CACNB2: variants seen among roughly 807,000 people sequenced by gnomAD.
The protein encoded by CACNB2 is voltage-dependent L-type calcium channel subunit beta-2.
CACNB2 carries 42 observed loss-of-function variants against 73.3 expected under a neutral mutation model. The observed-to-expected ratio is 0.57, with a 90% confidence interval of 0.45 to 0.74. CACNB2 has a LOEUF of 0.74. Ranked by LOEUF, CACNB2 falls within the 30% of genes least tolerant of loss-of-function variation. CACNB2 has a pLI of 0.00. For missense variants in CACNB2, 940 were observed against 853.0 expected, an observed-to-expected ratio of 1.10 and a Z score of -1.27; for synonymous variants, 348 against 310.3, an observed-to-expected ratio of 1.12 and a Z score of -1.28.
intron 3 of CACNB2, among the ~76,000 whole-genome samples, chr10:18,449,571 C>G (rs1414980605): frequency 6.6e-6 from 1 of 152,186 alleles, no homozygotes; most frequent in Non-Finnish European, 1.5e-5. Flanking sequence ...CTCCCTTTTT[C>G]TGTCCTCACA....
intron 2 of CACNB2, among the ~76,000 whole-genome samples, chr10:18,188,839 T>G (rs2034269165): frequency 6.6e-6 from 1 of 152,166 alleles, no homozygotes; most frequent in Non-Finnish European, 1.5e-5. Flanking sequence ...ATCACCACTG[T>G]TAAGACTGGG....
At position 18,539,215 on chromosome 10, in the gene CACNB2, T is replaced by A; in HGVS notation, c.1489-15T>A. The A allele has an allele frequency of 6.2e-7, 1 of 1,613,984 alleles. No individual in the cohort carries two copies. Among genetic ancestry groups the A allele is most frequent in the Non-Finnish European group, 8.5e-7 (1 of 1,179,992 alleles). On this transcript the variant is annotated splice_polypyrimidine_tract_variant and intron_variant, in intron 13 of 13. Coordinates refer to ENST00000324631, the MANE Select transcript of CACNB2 (RefSeq NM_201596.3). Reference sequence around the variant, plus strand: ...TGACCTTGGTTAACGCCTGGTGTGCTCCTTTCGCTGCCAGGGTTCTCAAGG... The same window carrying A: ...TGACCTTGGTTAACGCCTGGTGTGCACCTTTCGCTGCCAGGGTTCTCAAGG...
chr10:18,167,935 C>T (rs1416203418), intron 2 of CACNB2, among the ~76,000 whole-genome samples: 2 of 152,274 alleles, frequency 1.3e-5, no homozygotes, highest in African/African-American at 4.8e-5. Flanking sequence ...AGGTCACCCC[C>T]GACCCCAACC....
intron 9 of CACNB2, among the ~76,000 whole-genome samples, chr10:18,522,877 CAAAAAAAAAAAAAAAAAAAAA>C (rs10528720): frequency 3.9e-4 from 30 of 77,810 alleles, no homozygotes; most frequent in South Asian, 1.3e-3. Flanking sequence ...GACTCTGTCT[CAAAAAAAAAAAAAAAAAAAAA>C]AAAAAAAAAA....
At chr10:18,323,525 A>T (rs1450710150) in intron 2 of CACNB2, among the ~76,000 whole-genome samples, 1 of 152,126 alleles carries the variant, frequency 6.6e-6, no homozygotes, top group African/African-American at 2.4e-5. Flanking sequence ...TGGAACACTC[A>T]TCGAATCATA....
chr10:18,196,817 G>A (rs988323040), intron 2 of CACNB2, among the ~76,000 whole-genome samples: 5 of 152,070 alleles, frequency 3.3e-5, no homozygotes, highest in African/African-American at 9.7e-5. Context: ...AGTAATTTAG[G>A]GAGACTTTAG....
chr10:18,220,226 T>TAGAGAGAGAG (rs1275395034), intron 2 of CACNB2, among the ~76,000 whole-genome samples: 17 of 45,652 alleles, frequency 3.7e-4, no homozygotes, highest in South Asian at 7.1e-4. Context: ...TATATATATA[T>TAGAGAGAGAG]ATATATAGAG....
At chr10:18,413,381 C>CT (rs1339769800) in intron 3 of CACNB2, among the ~76,000 whole-genome samples, 1 of 152,194 alleles carries the variant, frequency 6.6e-6, no homozygotes, top group Non-Finnish European at 1.5e-5. Context: ...TTCTCTCATA[C>CT]TTCTCCAGGC....
intron 2 of CACNB2, among the ~76,000 whole-genome samples, chr10:18,263,018 C>A (rs1564387046): frequency 6.6e-6 from 1 of 152,114 alleles, no homozygotes; most frequent in Admixed American, 6.6e-5. Context: ...GCACAGATGT[C>A]TTTTAAAGAT....
chr10:18,273,195 G>A (rs1009096206), intron 2 of CACNB2, among the ~76,000 whole-genome samples: 1 of 152,036 alleles, frequency 6.6e-6, no homozygotes, highest in Non-Finnish European at 1.5e-5. Context: ...GTCAACTGGT[G>A]TCAAGTGTCT....
intron 2 of CACNB2, among the ~76,000 whole-genome samples, chr10:18,338,154 T>C (rs1283496099): frequency 6.6e-6 from 1 of 152,212 alleles, no homozygotes; most frequent in Non-Finnish European, 1.5e-5. Context: ...AAAAAATATT[T>C]TCAAATTACA....
chr10:18,381,579 TG>T lies in CACNB2; in HGVS notation c.214-20341del, dbSNP rs531386799. The stretch of plus-strand genomic sequence containing the variant: ...GGCGTGCACCTGTAGTCCCAGCTAC[TG>T]GGGTGGCTGAGGCAGGAGAATTGCT... On this transcript the variant is annotated intron_variant, in intron 2 of 13. Coordinates refer to ENST00000324631, the MANE Select transcript of CACNB2 (RefSeq NM_201596.3). 2.3e-3 allele frequency among the ~76,000 whole-genome samples: 345 copies of T among 149,002 alleles called. 1 individual carries two copies. The highest frequency in any genetic ancestry group is 8.3e-3 in the African/African-American group (332 of 40,210).
chr10:18,247,592 G>A (rs187545611), intron 2 of CACNB2, among the ~76,000 whole-genome samples: 3 of 152,180 alleles, frequency 2.0e-5, no homozygotes, highest in Admixed American at 6.5e-5. Flanking sequence ...AGGCACATCT[G>A]TAGGTACTTT....
At chr10:18,182,883 C>A (rs2033961650) in intron 2 of CACNB2, among the ~76,000 whole-genome samples, 1 of 151,730 alleles carries the variant, frequency 6.6e-6, no homozygotes, top group Non-Finnish European at 1.5e-5. Flanking sequence ...TTATTAATAT[C>A]TTGGGGTCTT....
intron 1 of CACNB2, among the ~76,000 whole-genome samples, chr10:18,144,108 C>A (rs1344446038): frequency 2.6e-5 from 4 of 152,144 alleles, no homozygotes; most frequent in Non-Finnish European, 5.9e-5. Flanking sequence ...AACGGAGTCT[C>A]ACCCTGTCAC....
chr10:18,186,211 GGAGTTCGA>G (rs1472832727), intron 2 of CACNB2, among the ~76,000 whole-genome samples: 5 of 152,100 alleles, frequency 3.3e-5, no homozygotes, highest in Non-Finnish European at 5.9e-5. Flanking sequence ...CCTGAGGTCA[GGAGTTCGA>G]GACCAGCCTG....
At chr10:18,269,492 G>A (rs1424751198) in intron 2 of CACNB2, among the ~76,000 whole-genome samples, 1 of 152,160 alleles carries the variant, frequency 6.6e-6, no homozygotes, top group African/African-American at 2.4e-5. Flanking sequence ...CTGGTGAATG[G>A]TAACATAACA....
At chr10:18,240,479 C>T (rs945445593) in intron 2 of CACNB2, among the ~76,000 whole-genome samples, 2 of 152,140 alleles carry the variant, frequency 1.3e-5, no homozygotes, top group African/African-American at 4.8e-5. Context: ...GAACGTGTAA[C>T]CAGGTCGCTC....
rs114367945 is a variant in CACNB2 at position 18,464,042 on chromosome 10, G to A, written c.334-34313G>A. On this transcript the variant is annotated intron_variant, in intron 3 of 13. Transcript: ENST00000324631. ...TGCTGTCAGAGAAGTCATAAACATCGTCTTATCTTACCCAAGCTGTCAGCG... is the reference window on the plus strand; with the variant it reads ...TGCTGTCAGAGAAGTCATAAACATCATCTTATCTTACCCAAGCTGTCAGCG... Among the ~76,000 whole-genome samples, 1,119 of 152,082 alleles carry A rather than the reference G, an allele frequency of 7.4e-3. 21 individuals are homozygous for A. The highest frequency in any genetic ancestry group is 0.025 in the African/African-American group (1,042 of 41,474).
Sources: gnomAD v4.1 joint callset for allele counts (sites outside exome capture counted in the v4.1 genomes callset) on GRCh38, gnomAD v4.1.1 for gene constraint, MANE v1.5 for transcripts, NCBI Gene and HGNC (gene_info 2026-07-23, HGNC 2026-07-21) for gene names.